GALNTL6: variants seen among roughly 807,000 people sequenced by gnomAD.
GALNTL6 encodes polypeptide N-acetylgalactosaminyltransferase-like 6.
GALNTL6 carries 46 observed loss-of-function variants against 73.7 expected under a neutral mutation model. The ratio of observed to expected loss-of-function variants is 0.62; its 90% CI spans 0.49 to 0.80. The LOEUF (loss-of-function observed/expected upper bound fraction) is 0.80. GALNTL6 is among the 30% of genes least tolerant of loss of function. The probability of loss-of-function intolerance (pLI) is 0.00; values close to 1 mark genes in which losing one functional copy is unlikely to be tolerated. For missense variants in GALNTL6, 604 were observed against 755.0 expected (o/e 0.80, Z 2.34); for synonymous variants, 259 against 263.7 (o/e 0.98, Z 0.17).
At chr4:172,674,078 G>A (rs905313760) in intron 5 of GALNTL6, among the ~76,000 whole-genome samples, 7 of 152,172 alleles carry the variant, frequency 4.6e-5, no homozygotes, top group African/African-American at 9.6e-5. Flanking sequence ...GAGTACTTCA[G>A]TGTGTTTTTG....
At chr4:172,230,716 C>T (rs895481033) in intron 3 of GALNTL6, among the ~76,000 whole-genome samples, 2 of 152,048 alleles carry the variant, frequency 1.3e-5, no homozygotes, top group African/African-American at 2.4e-5. Context: ...GATAGGAAGC[C>T]CATATTCTCT....
At chr4:172,600,940 G>A (rs1738031962) in intron 5 of GALNTL6, among the ~76,000 whole-genome samples, 2 of 151,646 alleles carry the variant, frequency 1.3e-5, no homozygotes, top group Non-Finnish European at 2.9e-5. Context: ...AAAGTGTGAA[G>A]AGGCAGAAAA....
chr4:172,904,428 A>G (rs541195194), intron 8 of GALNTL6, among the ~76,000 whole-genome samples: 8 of 152,324 alleles, frequency 5.3e-5, no homozygotes, highest in African/African-American at 1.9e-4. Flanking sequence ...CTGCCTTTGC[A>G]TGGAGGTTAA....
At chr4:172,872,746 T>G (rs1418301915) in intron 7 of GALNTL6, among the ~76,000 whole-genome samples, 2 of 152,146 alleles carry the variant, frequency 1.3e-5, no homozygotes, top group African/African-American at 4.8e-5. Flanking sequence ...GACCCAAAAC[T>G]GTAATGTTAG....
At chr4:172,404,744 A>G (rs1014985300) in intron 5 of GALNTL6, among the ~76,000 whole-genome samples, 6 of 152,262 alleles carry the variant, frequency 3.9e-5, no homozygotes, top group Admixed American at 2.0e-4. Context: ...AATATAGCCA[A>G]TTGCAAACAG....
chr4:171,903,290 CGTGCGCGAGCT>C (rs946641296), intron 2 of GALNTL6, among the ~76,000 whole-genome samples: 59 of 152,092 alleles, frequency 3.9e-4, no homozygotes, highest in African/African-American at 1.4e-3. Flanking sequence ...GTGCGCGCAC[CGTGCGCGAGCT>C]GAAGCAGGGC....
intron 5 of GALNTL6, among the ~76,000 whole-genome samples, chr4:172,694,876 A>G (rs1360644577): frequency 6.6e-6 from 1 of 152,206 alleles, no homozygotes; most frequent in African/African-American, 2.4e-5. Flanking sequence ...AGATTATTTA[A>G]TCTTTCTTTG....
At chr4:172,594,108 A>G (rs62330040) in intron 5 of GALNTL6, among the ~76,000 whole-genome samples, 12,535 of 152,122 alleles carry the variant, frequency 0.082, 698 homozygotes, top group East Asian at 0.22. Flanking sequence ...GCACTTTGGG[A>G]GGCCGAGGCG....
intron 2 of GALNTL6, among the ~76,000 whole-genome samples, chr4:172,046,457 G>A (rs148998050): frequency 3.9e-5 from 6 of 152,142 alleles, no homozygotes; most frequent in South Asian, 4.1e-4. Context: ...ATAGTTTCCC[G>A]TGAGATCTGT....
chr4:172,045,584 T>C (rs1415997461), intron 2 of GALNTL6, among the ~76,000 whole-genome samples: 1 of 151,988 alleles, frequency 6.6e-6, no homozygotes, highest in Non-Finnish European at 1.5e-5. Context: ...TTGGTATTTA[T>C]AGAAAAAGGG....
At chr4:172,793,630 A>G (rs559043096) in intron 5 of GALNTL6, among the ~76,000 whole-genome samples, 1 of 152,202 alleles carries the variant, frequency 6.6e-6, no homozygotes, top group Non-Finnish European at 1.5e-5. Context: ...AAACAAAAGA[A>G]TTACAATCGA....
chr4:172,957,402 G>A (rs572888694), intron 10 of GALNTL6, among the ~76,000 whole-genome samples: 2 of 152,202 alleles, frequency 1.3e-5, no homozygotes, highest in South Asian at 4.1e-4. Flanking sequence ...GTCTTGTGTG[G>A]GAAGAGACTG....
intron 2 of GALNTL6, among the ~76,000 whole-genome samples, chr4:171,866,302 A>G (rs1429968135): frequency 1.3e-5 from 2 of 151,554 alleles, no homozygotes; most frequent in Middle Eastern, 3.4e-3. Flanking sequence ...TTAATTTTTA[A>G]ATTTTTTTTC....
chr4:171,860,668 C>T (rs1450610739), intron 2 of GALNTL6, among the ~76,000 whole-genome samples: 4 of 152,150 alleles, frequency 2.6e-5, no homozygotes, highest in South Asian at 2.1e-4. Flanking sequence ...TATTGTCTTC[C>T]TTAACAGGGT....
chr4:172,321,057 C>G (rs943030712), intron 4 of GALNTL6, among the ~76,000 whole-genome samples: 6 of 152,094 alleles, frequency 3.9e-5, no homozygotes, highest in Non-Finnish European at 8.8e-5. Flanking sequence ...ATTTTTGATA[C>G]AGTATATTGT....
intron 2 of GALNTL6, among the ~76,000 whole-genome samples, chr4:171,973,940 A>G (rs78785238): frequency 0.023 from 3,556 of 152,196 alleles, 152 homozygotes; most frequent in African/African-American, 0.081. Context: ...TCTGTTTTAG[A>G]CTATAAAAGG....
chr4:171,876,393 T>A (rs1736279303), intron 2 of GALNTL6, among the ~76,000 whole-genome samples: 1 of 152,220 alleles, frequency 6.6e-6, no homozygotes, highest in Non-Finnish European at 1.5e-5. Context: ...TAATAAGTAC[T>A]ACAAATAAAA....
intron 5 of GALNTL6, among the ~76,000 whole-genome samples, chr4:172,356,723 A>G (rs907304671): frequency 6.6e-6 from 1 of 152,196 alleles, no homozygotes; most frequent in African/African-American, 2.4e-5. Context: ...GACATGGTAC[A>G]TTTGTAATAT....
At chr4:172,652,902 T>C (rs1221882555) in intron 5 of GALNTL6, among the ~76,000 whole-genome samples, 1 of 152,216 alleles carries the variant, frequency 6.6e-6, no homozygotes, top group African/African-American at 2.4e-5. Context: ...CCATTTCTTT[T>C]AACACCCATA....
Sources: allele counts gnomAD v4.1 joint callset (sites outside exome capture counted in the v4.1 genomes callset), GRCh38; gene constraint gnomAD v4.1.1; transcripts MANE v1.5; gene names NCBI Gene and HGNC (gene_info 2026-07-23, HGNC 2026-07-21).